The following PKIB variants were observed in gnomAD, a reference collection of about 807,000 sequenced individuals.
The protein encoded by PKIB is PKI-beta.
In PKIB, 2 loss-of-function variants were observed where a neutral mutation model predicts 4.5. The observed-to-expected ratio is 0.44, with a 90% CI of 0.18 to 1.39. PKIB has a LOEUF of 1.39. Ranked by LOEUF, PKIB falls within the 40% of genes most tolerant of loss-of-function variation. The pLI is 0.27. For missense variants in PKIB, 94 were observed against 92.6 expected (o/e 1.02, Z -0.06); for synonymous variants, 38 against 36.0 (o/e 1.06, Z -0.20).
chr6:122,705,564 CTT>C (rs142542177), intron 3 of PKIB, among the ~76,000 whole-genome samples: 3,557 of 113,406 alleles, frequency 0.031, 46 homozygotes, highest in African/African-American at 0.072. Flanking sequence ...GAAAGCGCAT[CTT>C]TTTTTTTTTT....
intron 2 of PKIB, among the ~76,000 whole-genome samples, chr6:122,574,480 T>TA (rs1161311393): frequency 6.6e-6 from 1 of 152,022 alleles, no homozygotes; most frequent in Non-Finnish European, 1.5e-5. Context: ...AGAACAAATC[T>TA]AGAAGCATCA....
chr6:122,709,436 A>G (rs958368551), intron 3 of PKIB, among the ~76,000 whole-genome samples: 1 of 152,142 alleles, frequency 6.6e-6, no homozygotes, highest in Admixed American at 6.6e-5. Flanking sequence ...GGAGGTTTTG[A>G]AAAGTAGCTG....
At chr6:122,600,848 A>G (rs1406233650) in intron 3 of PKIB, among the ~76,000 whole-genome samples, 1 of 152,184 alleles carries the variant, frequency 6.6e-6, no homozygotes, top group Non-Finnish European at 1.5e-5. Flanking sequence ...ACCAATCAAT[A>G]GTAACAAATT....
intron 4 of PKIB, among the ~76,000 whole-genome samples, chr6:122,720,445 C>A (rs1779694336): frequency 6.6e-6 from 1 of 151,888 alleles, no homozygotes; most frequent in African/African-American, 2.4e-5. Context: ...ATAGGACTTG[C>A]TGATGAATTG....
At chr6:122,549,909 CATAT>C (rs35702783) in intron 2 of PKIB, among the ~76,000 whole-genome samples, 1 of 148,250 alleles carries the variant, frequency 6.7e-6, no homozygotes. Context: ...CACACACACA[CATAT>C]ATATATATAC....
At chr6:122,549,758 G>A (rs915404634) in intron 2 of PKIB, among the ~76,000 whole-genome samples, 135 of 150,254 alleles carry the variant, frequency 9.0e-4, no homozygotes, top group Non-Finnish European at 1.3e-3. Context: ...TTCGCTAGAG[G>A]CAATCACTTT....
intron 2 of PKIB, among the ~76,000 whole-genome samples, chr6:122,509,368 C>T (rs180796962): frequency 4.6e-4 from 70 of 152,032 alleles, no homozygotes; most frequent in Non-Finnish European, 6.0e-4. Context: ...ATTGGAACTA[C>T]AATCTTATTG....
rs79372855 is a variant in PKIB, at chr6:122,569,836, T to C, written c.-247-16085T>C. Among the ~76,000 whole-genome samples the C allele has an allele frequency of 8.1e-3, 1,235 of 152,326 alleles. 4 individuals carry two copies. The highest frequency in any genetic ancestry group is 0.013 in the Non-Finnish European group (910 of 68,030). On this transcript the variant is annotated intron_variant, in intron 2 of 6. Coordinates refer to the PKIB transcript ENST00000392491. ...AACAAAAGAATCTGAACAGCAGTTC[T>C]TGAGTCCCAGATCTTTCCACTAATG...
chr6:122,666,751 A>C (rs1777234627), intron 2 of PKIB, among the ~76,000 whole-genome samples: 1 of 152,222 alleles, frequency 6.6e-6, no homozygotes, highest in Admixed American at 6.5e-5. Flanking sequence ...GTGACCTCTA[A>C]AGTATAATTC....
At chr6:122,699,107 T>C (rs1368696398) in intron 3 of PKIB, among the ~76,000 whole-genome samples, 2 of 152,116 alleles carry the variant, frequency 1.3e-5, no homozygotes, top group Admixed American at 6.6e-5. Context: ...CTGCAAAGAC[T>C]GTGTGCAGTA....
At chr6:122,498,282 G>A (rs781635270) in intron 2 of PKIB, among the ~76,000 whole-genome samples, 5 of 152,168 alleles carry the variant, frequency 3.3e-5, no homozygotes, top group Admixed American at 1.3e-4. Flanking sequence ...GAGAGCTTGC[G>A]CAGGGAAAGT....
intron 2 of PKIB, among the ~76,000 whole-genome samples, chr6:122,499,345 A>T (rs1033794658): frequency 6.6e-6 from 1 of 152,190 alleles, no homozygotes; most frequent in Non-Finnish European, 1.5e-5. Context: ...CCAGCACCAC[A>T]TCAAAATTTA....
chr6:122,683,331 G>A (rs1777974226), intron 3 of PKIB, among the ~76,000 whole-genome samples: 1 of 152,150 alleles, frequency 6.6e-6, no homozygotes, highest in Non-Finnish European at 1.5e-5. Context: ...AGGGGGAACA[G>A]TCATGTCACA....
intron 2 of PKIB, chr6:122,483,694 A>C (rs1220167645): frequency 1.3e-5 from 2 of 152,180 alleles, no homozygotes; most frequent in Admixed American, 1.3e-4. Context: ...TGCGAAGGCA[A>C]ATATATGGGA....
intron 1 of PKIB, among the ~76,000 whole-genome samples, chr6:122,616,900 A>G (rs1358499099): frequency 6.6e-5 from 10 of 152,126 alleles, no homozygotes; most frequent in Admixed American, 6.5e-4. Context: ...TCTATTTTTT[A>G]AGACGAGTAG....
At chr6:122,617,441 T>G (rs1414343158) in intron 1 of PKIB, among the ~76,000 whole-genome samples, 1 of 152,174 alleles carries the variant, frequency 6.6e-6, no homozygotes, top group East Asian at 1.9e-4. Flanking sequence ...CAGCATAGTT[T>G]GTTTCAACTC....
At chr6:122,703,258 A>T (rs1193859073) in intron 3 of PKIB, among the ~76,000 whole-genome samples, 1 of 152,196 alleles carries the variant, frequency 6.6e-6, no homozygotes, top group Non-Finnish European at 1.5e-5. Flanking sequence ...AATATATTTG[A>T]AAAGAATAAT....
chr6:122,592,453 T>C (rs1774046434), intron 3 of PKIB, among the ~76,000 whole-genome samples: 1 of 152,180 alleles, frequency 6.6e-6, no homozygotes, highest in African/African-American at 2.4e-5. Context: ...AAAAGAATCA[T>C]GAAGAAGTTG....
At chr6:122,504,261 C>G (rs1407737537) in intron 2 of PKIB, among the ~76,000 whole-genome samples, 1 of 152,148 alleles carries the variant, frequency 6.6e-6, no homozygotes. Flanking sequence ...GCTTCTTTCT[C>G]TTTCTGGTTC....
Sources: gnomAD v4.1 joint callset for allele counts (sites outside exome capture counted in the v4.1 genomes callset) on GRCh38, gnomAD v4.1.1 for gene constraint, MANE v1.5 for transcripts, NCBI Gene and HGNC (gene_info 2026-07-23, HGNC 2026-07-21) for gene names.